LCORL: variants seen among roughly 807,000 people sequenced by gnomAD.
The protein encoded by LCORL is ligand-dependent nuclear receptor corepressor-like protein.
Under a neutral mutation model 141.8 loss-of-function variants are expected in LCORL, and 41 were observed. That is an observed-to-expected ratio of 0.29 (90% CI 0.23 to 0.38). LCORL has a LOEUF of 0.38. Among genes scored for constraint, LCORL ranks in the 10% least tolerant of loss-of-function variants. LCORL has a pLI of 1.00. For synonymous variants in LCORL, 618 were observed against 694.1 expected, an observed-to-expected ratio of 0.89 and a Z score of 1.72; for missense variants, 1,759 against 2,035.0, an observed-to-expected ratio of 0.86 and a Z score of 2.61.
intron 2 of LCORL, among the ~76,000 whole-genome samples, chr4:17,970,325 C>T (rs2109654039): frequency 6.6e-6 from 1 of 152,276 alleles, no homozygotes; most frequent in Non-Finnish European, 1.5e-5. Context: ...TTGTGCTCTA[C>T]ATTTCCAAGC....
At chr4:17,944,783 A>G (rs1267965614) in intron 4 of LCORL, among the ~76,000 whole-genome samples, 1 of 152,194 alleles carries the variant, frequency 6.6e-6, no homozygotes, top group East Asian at 1.9e-4. Context: ...ACTATTTTAC[A>G]GAGCACTTGT....
At chr4:18,004,590 A>G (rs577440355) in intron 1 of LCORL, among the ~76,000 whole-genome samples, 10 of 152,182 alleles carry the variant, frequency 6.6e-5, no homozygotes, top group Non-Finnish European at 1.3e-4. Flanking sequence ...TTACAATTCA[A>G]GATGAGATTT....
At chr4:17,868,802 G>A (rs1725986118) in intron 7 of LCORL, among the ~76,000 whole-genome samples, 1 of 152,078 alleles carries the variant, frequency 6.6e-6, no homozygotes, top group Non-Finnish European at 1.5e-5. Flanking sequence ...TGGTGAACTT[G>A]ACTATTACTA....
chr4:18,007,135 A>T (rs535211941), intron 1 of LCORL, among the ~76,000 whole-genome samples: 230 of 152,316 alleles, frequency 1.5e-3, no homozygotes, highest in African/African-American at 5.2e-3. Flanking sequence ...GAGTAATCTT[A>T]TAAAACCACA....
At chr4:17,989,318 G>C (rs1190058932) in intron 1 of LCORL, among the ~76,000 whole-genome samples, 1 of 152,188 alleles carries the variant, frequency 6.6e-6, no homozygotes, top group Admixed American at 6.5e-5. Flanking sequence ...ATTTTTTGTA[G>C]ATATCATATC....
chr4:17,931,905 T>C (rs2109425366), intron 4 of LCORL, among the ~76,000 whole-genome samples: 1 of 152,292 alleles, frequency 6.6e-6, no homozygotes, highest in East Asian at 1.9e-4. Flanking sequence ...GGGTTAATTC[T>C]GTGTATTTGT....
chr4:17,876,126 T>C, exon 7 of LCORL: 15 of 1,231,010 alleles, frequency 1.2e-5, no homozygotes, highest in Non-Finnish European at 1.5e-5. Flanking sequence ...ACTAGAATAG[T>C]TGGAAACAGA....
intron 2 of LCORL, among the ~76,000 whole-genome samples, chr4:17,965,603 C>A (rs1183267824): frequency 6.6e-6 from 1 of 152,082 alleles, no homozygotes. Context: ...TGGATATATA[C>A]TCTTATAGTT....
intron 7 of LCORL, among the ~76,000 whole-genome samples, chr4:17,860,990 C>T (rs994064189): frequency 2.0e-5 from 3 of 152,202 alleles, no homozygotes; most frequent in African/African-American, 7.2e-5. Context: ...GCCCCCCTAC[C>T]CTGGCTGCTT....
At chr4:17,948,779 A>G (rs555286266) in intron 4 of LCORL, among the ~76,000 whole-genome samples, 54 of 151,332 alleles carry the variant, frequency 3.6e-4, no homozygotes, top group South Asian at 1.5e-3. Flanking sequence ...CATATCAGGG[A>G]AAAAAAAAGG....
intron 5 of LCORL, among the ~76,000 whole-genome samples, chr4:17,895,700 C>T (rs1256353814): frequency 6.6e-6 from 1 of 152,194 alleles, no homozygotes; most frequent in Non-Finnish European, 1.5e-5. Context: ...GGCGACTGCT[C>T]TCCCTTGTCC....
At chr4:18,017,417 C>T (rs186406777) in intron 1 of LCORL, among the ~76,000 whole-genome samples, 119 of 152,180 alleles carry the variant, frequency 7.8e-4, no homozygotes, top group Non-Finnish European at 9.4e-4. Context: ...TTCAGGGATA[C>T]ATATGAGGAA....
chr4:17,896,827 CT>C lies in LCORL; in HGVS notation c.683-10667del, dbSNP rs1245130268. 4.6e-5 allele frequency among the ~76,000 whole-genome samples: 7 copies of C among 152,090 alleles called. No homozygotes were observed. The East Asian group carries it at 1.3e-3, about 29-fold the overall frequency. On this transcript the variant is annotated intron_variant, in intron 5 of 7. Transcript: ENST00000635767. ...CAAATACTAGATCTTATTCATTCTA[CT>C]TTTTTGTACCCATTAACTATCCCCA...
intron 1 of LCORL, among the ~76,000 whole-genome samples, chr4:17,974,437 A>G (rs1278644415): frequency 6.6e-6 from 1 of 152,174 alleles, no homozygotes; most frequent in African/African-American, 2.4e-5. Context: ...CATACAAGGT[A>G]TCCATTTTAA....
exon 7 of LCORL, chr4:17,876,242 A>C (rs559528555): frequency 1.1e-5 from 14 of 1,231,040 alleles, no homozygotes; most frequent in Middle Eastern, 3.1e-4. Flanking sequence ...GTCTTTTGTT[A>C]TTCAAATCCA....
rs573200145 is a variant in LCORL, at chr4:17,981,781, G to A, written c.155-8896C>T. On this transcript the variant is annotated intron_variant, in intron 1 of 7. Coordinates refer to ENST00000635767, the Ensembl canonical transcript of LCORL. ...TTTTATTTTAGGTTCAGGGGTACAT[G>A]TGCAGGTTTGTTACATAGGCAAACT... is the stretch of plus-strand genomic sequence containing the variant. 2.0e-5 allele frequency among the ~76,000 whole-genome samples: 3 copies of A among 152,156 alleles called. No individual in the cohort carries two copies. In the East Asian group the frequency reaches 5.8e-4, roughly 29 times the overall value.
At chr4:17,988,967 G>A (rs933696588) in intron 1 of LCORL, among the ~76,000 whole-genome samples, 7 of 152,208 alleles carry the variant, frequency 4.6e-5, no homozygotes. Context: ...CTGGGGGACA[G>A]AGTGAGACTC....
chr4:17,974,243 G>A (rs1577600476), intron 1 of LCORL, among the ~76,000 whole-genome samples: 1 of 151,932 alleles, frequency 6.6e-6, no homozygotes, highest in Non-Finnish European at 1.5e-5. Context: ...TGTATTAGTT[G>A]GTCTCATTAT....
chr4:17,883,653 T>C, intron 6 of LCORL: 1 of 1,445,794 alleles, frequency 6.9e-7, no homozygotes, highest in Non-Finnish European at 9.1e-7. Flanking sequence ...TACACACCTG[T>C]GCACATACAC....
Sources: gnomAD v4.1 joint callset for allele counts (sites outside exome capture counted in the v4.1 genomes callset) on GRCh38, gnomAD v4.1.1 for gene constraint, MANE v1.5 for transcripts, NCBI Gene and HGNC (gene_info 2026-07-23, HGNC 2026-07-21) for gene names.